The following LNX1 variants were observed in gnomAD, a reference collection of about 807,000 sequenced individuals.
The protein encoded by LNX1 is E3 ubiquitin-protein ligase LNX.
In LNX1, 54 loss-of-function variants were observed where a neutral mutation model predicts 68.4. That is an observed-to-expected ratio of 0.79 (90% CI 0.63 to 0.99). LNX1 has a LOEUF of 0.99. LNX1 is among the 50% of genes least tolerant of loss of function. LNX1 has a pLI of 0.00. For synonymous variants in LNX1, 336 were observed against 350.0 expected, an observed-to-expected ratio of 0.96 and a Z score of 0.45; for missense variants, 906 against 926.4, an observed-to-expected ratio of 0.98 and a Z score of 0.29.
chr4:53,555,224 C>T (rs1449092947), intron 2 of LNX1, among the ~76,000 whole-genome samples: 1 of 152,180 alleles, frequency 6.6e-6, no homozygotes, highest in Non-Finnish European at 1.5e-5. Context: ...CCCAAGCGTG[C>T]TAAACTGGCC....
At chr4:53,563,271 A>C (rs1343276370) in intron 2 of LNX1, among the ~76,000 whole-genome samples, 2 of 152,240 alleles carry the variant, frequency 1.3e-5, no homozygotes, top group East Asian at 1.9e-4. Context: ...GTGATGTTAA[A>C]GATCAAGCAA....
intron 1 of LNX1, among the ~76,000 whole-genome samples, chr4:53,580,889 C>G (rs1253334299): frequency 6.6e-6 from 1 of 152,008 alleles, no homozygotes; most frequent in African/African-American, 2.4e-5. Context: ...GTAAATAACA[C>G]AAGAAAAGGG....
intron 6 of LNX1, among the ~76,000 whole-genome samples, chr4:53,490,161 C>T (rs1724582225): frequency 1.3e-5 from 2 of 152,100 alleles, no homozygotes; most frequent in African/African-American, 4.8e-5. Flanking sequence ...ACACATATGC[C>T]GGTATTGATG....
chr4:53,611,349 A>G (rs1733490634), intron 2 of LNX1, among the ~76,000 whole-genome samples: 1 of 152,180 alleles, frequency 6.6e-6, no homozygotes, highest in Admixed American at 6.5e-5. Context: ...AAGATGTGCC[A>G]TTTTCTTGGA....
At chr4:53,485,805 G>A (rs1724251956) in intron 6 of LNX1, among the ~76,000 whole-genome samples, 1 of 152,140 alleles carries the variant, frequency 6.6e-6, no homozygotes, top group East Asian at 1.9e-4. Flanking sequence ...AGGAGGGGGA[G>A]TATAGGGGAG....
chr4:53,618,362 T>C (rs1577800496), upstream of LNX1, among the ~76,000 whole-genome samples: 1 of 152,322 alleles, frequency 6.6e-6, no homozygotes, highest in East Asian at 1.9e-4. Context: ...TGTAGTCCAT[T>C]AGGCAGAGAC....
chr4:53,521,145 A>G (rs1333583747), intron 2 of LNX1, among the ~76,000 whole-genome samples: 1 of 152,150 alleles, frequency 6.6e-6, no homozygotes, highest in East Asian at 1.9e-4. Flanking sequence ...GAGGGTTTCT[A>G]GAAGTCAGAA....
At chr4:53,633,719 C>T (rs7679341) in intron 1 of LNX1, among the ~76,000 whole-genome samples, 15,363 of 152,202 alleles carry the variant, frequency 0.1, 1,004 homozygotes, top group East Asian at 0.3. Context: ...TTGACATGAG[C>T]GCCCTCATCC....
chr4:53,461,791 A>G (rs1174481127), intron 9 of LNX1, among the ~76,000 whole-genome samples, 198 bp from the exon 10 acceptor site: 2 of 152,058 alleles, frequency 1.3e-5, no homozygotes, highest in Non-Finnish European at 2.9e-5. Context: ...CCTGTTTTCC[A>G]TAATTTTGAA....
upstream of LNX1, among the ~76,000 whole-genome samples, chr4:53,622,143 A>C (rs1379742408): frequency 3.9e-5 from 6 of 152,142 alleles, no homozygotes; most frequent in Non-Finnish European, 8.8e-5. Context: ...TAAAAACATG[A>C]TTTATCATAT....
In LNX1 at chr4:53,496,498, T is replaced by C. The variant is rs1725072441; in HGVS notation, c.979-104A>G. ...CCAGGATCCTGTCTTTAAAGACTGC[T>C]CTGCTCTCCCACCTCATCCTGTGTC... On this transcript the variant is annotated intron_variant, in intron 5 of 10. Transcript: ENST00000263925. The C allele has an allele frequency of 1.5e-5, 20 of 1,367,498 alleles. No homozygotes were observed. The East Asian group carries it at 2.0e-4, about 14-fold the overall frequency. 84.7% of individuals were successfully genotyped at this position (1,367,498 alleles called of 1,614,324 possible).
intron 2 of LNX1, among the ~76,000 whole-genome samples, chr4:53,551,833 C>T (rs1225881039): frequency 6.6e-6 from 1 of 152,154 alleles, no homozygotes; most frequent in Non-Finnish European, 1.5e-5. Context: ...TGCCTTATGA[C>T]CCTTGGTTAA....
intron 1 of LNX1, among the ~76,000 whole-genome samples, chr4:53,583,646 T>A (rs1731972249): frequency 6.6e-6 from 1 of 152,030 alleles, no homozygotes; most frequent in African/African-American, 2.4e-5. Flanking sequence ...ATGTAATACA[T>A]CTGGAGTCAA....
chr4:53,532,524 G>A (rs1728090945), intron 2 of LNX1, among the ~76,000 whole-genome samples: 1 of 152,080 alleles, frequency 6.6e-6, no homozygotes, highest in Non-Finnish European at 1.5e-5. Flanking sequence ...GCTGCAAAAT[G>A]TTTGCTTTCC....
chr4:53,559,159 A>C (rs76256022), intron 2 of LNX1, among the ~76,000 whole-genome samples: 3 of 152,198 alleles, frequency 2.0e-5, no homozygotes, highest in Non-Finnish European at 4.4e-5. Context: ...AGTCTACAGG[A>C]TGAGACGAGT....
intron 9 of LNX1, among the ~76,000 whole-genome samples, chr4:53,472,685 C>CAAAAAAAAAAAA (rs1309297098): frequency 2.7e-5 from 2 of 74,766 alleles, no homozygotes; most frequent in South Asian, 5.9e-4. Context: ...ACAACAACAA[C>CAAAAAAAAAAAA]AAAAAAAAAA....
chr4:53,478,872 T>G, intron 7 of LNX1, 130 bp from the exon 8 acceptor site: 1 of 836,130 alleles, frequency 1.2e-6, no homozygotes, highest in South Asian at 1.8e-5. Flanking sequence ...TTATGCAAAG[T>G]GCATAAATAC....
rs772010280 is a variant in LNX1, at chr4:53,481,860, C to A, written c.1351-6G>T. 14 of 1,580,160 alleles carry A rather than the reference C, an allele frequency of 8.9e-6. No individual in the cohort carries two copies. In the African/African-American group the frequency reaches 1.8e-4, roughly 20 times the overall value. ...TGAACACGTCTTTCACTGGCCTGGG[C>A]AAGAAGACACAGGCATTAGCCACTG... On this transcript the variant is annotated splice_polypyrimidine_tract_variant and splice_region_variant and intron_variant, in intron 6 of 10. Coordinates refer to ENST00000263925, the MANE Select transcript of LNX1 (RefSeq NM_001126328.3).
intron 6 of LNX1, among the ~76,000 whole-genome samples, chr4:53,491,231 A>G (rs1383894883): frequency 6.6e-6 from 1 of 152,012 alleles, no homozygotes; most frequent in Admixed American, 6.6e-5. Context: ...TGTAACATGA[A>G]AAAGTACTGG....
Sources: allele counts gnomAD v4.1 joint callset (sites outside exome capture counted in the v4.1 genomes callset), GRCh38; gene constraint gnomAD v4.1.1; transcripts MANE v1.5; gene names NCBI Gene and HGNC (gene_info 2026-07-23, HGNC 2026-07-21).